The following MCTP2 variants were observed in gnomAD, a reference collection of about 807,000 sequenced individuals.
MCTP2 encodes multiple C2 and transmembrane domain-containing protein 2.
A neutral mutation model predicts 111.6 loss-of-function variants in MCTP2; 132 were observed. That is an observed-to-expected ratio of 1.18 (90% CI 1.03 to 1.37). The LOEUF is 1.37. Ranked by LOEUF, MCTP2 falls within the 40% of genes most tolerant of loss-of-function variation. The pLI is 0.00. For synonymous variants in MCTP2, 395 were observed against 387.7 expected (o/e 1.02, Z -0.22); for missense variants, 1,183 against 1,067.9 (o/e 1.11, Z -1.50).
chr15:94,461,263 C>T (rs2085187936), intron 20 of MCTP2, among the ~76,000 whole-genome samples: 1 of 152,104 alleles, frequency 6.6e-6, no homozygotes, highest in African/African-American at 2.4e-5. Flanking sequence ...AGTTCGAGAC[C>T]AGCCTGGCCA....
intron 10 of MCTP2, among the ~76,000 whole-genome samples, chr15:94,366,906 A>G (rs1163459749): frequency 6.6e-6 from 1 of 152,158 alleles, no homozygotes; most frequent in Non-Finnish European, 1.5e-5. Context: ...GAGGTTTTCA[A>G]CATCCCCAGA....
chr15:94,336,570 G>A, intron 4 of MCTP2, among the ~76,000 whole-genome samples: 1 of 152,070 alleles, frequency 6.6e-6, no homozygotes, highest in East Asian at 1.9e-4. Flanking sequence ...ATGACCCGTA[G>A]TGTCAGTGGG....
intron 13 of MCTP2, 62 bp from the exon 14 acceptor site, chr15:94,385,361 T>C: frequency 3.6e-6 from 4 of 1,105,950 alleles, no homozygotes; most frequent in Non-Finnish European, 5.5e-6. Context: ...TGTTTCCAGA[T>C]CTTCATGGAA....
chr15:94,297,091 G>A (rs1413027837), intron 1 of MCTP2, among the ~76,000 whole-genome samples: 1 of 152,194 alleles, frequency 6.6e-6, no homozygotes, highest in African/African-American at 2.4e-5. Flanking sequence ...TTTGGCCTCA[G>A]CCAAATGTGG....
intron 22 of MCTP2, among the ~76,000 whole-genome samples, chr15:94,477,403 A>G (rs962610917): frequency 1.3e-5 from 2 of 152,144 alleles, no homozygotes; most frequent in Non-Finnish European, 2.9e-5. Flanking sequence ...GTTTCTGTGG[A>G]TACACAGAGA....
At chr15:94,327,761 G>GTAC (rs1161569274) in intron 4 of MCTP2, among the ~76,000 whole-genome samples, 5 of 152,250 alleles carry the variant, frequency 3.3e-5, no homozygotes, top group Admixed American at 6.5e-5. Flanking sequence ...TTGCCACTTG[G>GTAC]TACATATCAT....
intron 20 of MCTP2, among the ~76,000 whole-genome samples, chr15:94,468,937 A>G (rs2073663245): frequency 6.6e-6 from 1 of 152,140 alleles, no homozygotes; most frequent in African/African-American, 2.4e-5. Context: ...CTCAGTCTTA[A>G]CCAGAGGATG....
At chr15:94,301,217 G>C (rs2075593881) in intron 2 of MCTP2, among the ~76,000 whole-genome samples, 1 of 152,154 alleles carries the variant, frequency 6.6e-6, no homozygotes, top group South Asian at 2.1e-4. Flanking sequence ...CTCTACTTGA[G>C]TGCCGTTGCT....
intron 4 of MCTP2, among the ~76,000 whole-genome samples, chr15:94,339,008 T>A (rs1233552700): frequency 6.6e-6 from 1 of 152,192 alleles, no homozygotes; most frequent in Admixed American, 6.5e-5. Context: ...GCTGGTAGAT[T>A]TTACTTCTTG....
intron 17 of MCTP2, among the ~76,000 whole-genome samples, chr15:94,410,687 G>A (rs1596622750): frequency 6.6e-6 from 1 of 152,200 alleles, no homozygotes; most frequent in Admixed American, 6.5e-5. Context: ...AAAGGCAAAG[G>A]CCCAGTCTTT....
In MCTP2 at chr15:94,456,656, G is replaced by A. The variant is rs189457790; in HGVS notation, c.2251-1481G>A. Among the ~76,000 whole-genome samples the A allele has an allele frequency of 9.3e-4, 141 of 152,312 alleles. 1 individual carries two copies. Among genetic ancestry groups the A allele is most frequent in the South Asian group, 5.0e-3 (24 of 4,828 alleles). On this transcript the variant is annotated intron_variant, in intron 19 of 22. Transcript: ENST00000357742. The stretch of plus-strand genomic sequence containing the variant: ...AAAAAATTCAAATTAGGATAAAAAA[G>A]TAAAAGTATCTTGAAAGTTTGATAT...
At chr15:94,374,514 G>A (rs1281653426) in intron 12 of MCTP2, among the ~76,000 whole-genome samples, 1 of 152,182 alleles carries the variant, frequency 6.6e-6, no homozygotes, top group Non-Finnish European at 1.5e-5. Context: ...CTGGCATGAT[G>A]CATATGCCAA....
chr15:94,355,931 CTA>C (rs1345321162), intron 8 of MCTP2: 11 of 1,179,270 alleles, frequency 9.3e-6, no homozygotes, highest in Non-Finnish European at 1.2e-5. Context: ...TCATCCTTCA[CTA>C]TATTATTACC....
At chr15:94,340,118 C>T in intron 5 of MCTP2, 81 bp from the exon 6 acceptor site, 1 of 907,400 alleles carries the variant, frequency 1.1e-6, no homozygotes, top group Non-Finnish European at 1.8e-6. Context: ...GAATTTCCAA[C>T]CTATTGCATT....
intron 2 of MCTP2, among the ~76,000 whole-genome samples, chr15:94,305,767 C>A (rs138058117): frequency 6.6e-6 from 1 of 152,200 alleles, no homozygotes; most frequent in African/African-American, 2.4e-5. Context: ...TACATGGAGG[C>A]GCTACGTGGG....
At chr15:94,256,460 G>T (rs1398254945) in intron 1 of MCTP2, among the ~76,000 whole-genome samples, 1 of 152,150 alleles carries the variant, frequency 6.6e-6, no homozygotes, top group Non-Finnish European at 1.5e-5. Context: ...TTTTATTGAT[G>T]ATATACTAAA....
chr15:94,463,672 C>T (rs979640819), intron 20 of MCTP2, among the ~76,000 whole-genome samples: 24 of 152,210 alleles, frequency 1.6e-4, no homozygotes, highest in Admixed American at 1.2e-3. Context: ...AGAAAGAAAG[C>T]TTTCAACGTT....
chr15:94,414,990 G>A (rs888340143), intron 17 of MCTP2, among the ~76,000 whole-genome samples: 5 of 152,278 alleles, frequency 3.3e-5, no homozygotes, highest in African/African-American at 1.2e-4. Context: ...CTTGACTGCA[G>A]TCCAGCCTGA....
Position 94,345,244 on chromosome 15 carries a change from A to T in MCTP2, c.1005+80A>T, listed in dbSNP as rs1567481367. On this transcript the variant is annotated intron_variant, in intron 8 of 22. Coordinates refer to ENST00000357742, the MANE Select transcript of MCTP2 (RefSeq NM_001385001.1). ...GCAAACAAAAATGACTGCATGATAG[A>T]TATTACCCAATCTTTACATCAAACA... 7.0e-6 allele frequency: 9 copies of T among 1,291,030 alleles called. No homozygotes were observed. In the South Asian group the frequency reaches 8.8e-5, roughly 13 times the overall value. The allele number at this position is 1,291,030 out of a possible 1,614,324, so 80.0% of individuals were successfully genotyped here.
Sources: allele counts gnomAD v4.1 joint callset (sites outside exome capture counted in the v4.1 genomes callset), GRCh38; gene constraint gnomAD v4.1.1; transcripts MANE v1.5; gene names NCBI Gene and HGNC (gene_info 2026-07-23, HGNC 2026-07-21).